MSL3: variants seen among roughly 807,000 people sequenced by gnomAD.
MSL3 encodes the protein MSL complex subunit 3.
In MSL3, 5 loss-of-function variants were observed where a neutral mutation model predicts 37.2. The observed-to-expected ratio is 0.13, with a 90% CI of 0.07 to 0.28. The LOEUF (loss-of-function observed/expected upper bound fraction) is 0.28. Among genes scored for constraint, MSL3 ranks in the 10% least tolerant of loss-of-function variants. MSL3 has a pLI of 1.00. For synonymous variants in MSL3, 149 were observed against 147.6 expected (o/e 1.01, Z -0.07); for missense variants, 315 against 408.5 (o/e 0.77, Z 1.97).
At chrX:11,758,554 T>C in intron 1 of MSL3, 189 bp downstream of exon 1, 1 of 1,102,081 alleles carries the variant, frequency 9.1e-7, no homozygotes, top group Non-Finnish European at 1.2e-6. Context: ...CTGGGATGCT[T>C]CCACTTCCTT....
At chrX:11,768,808 T>C (rs2053207931) in intron 10 of MSL3, 126 bp downstream of exon 10, 1 of 483,159 alleles carries the variant, frequency 2.1e-6, no homozygotes, top group African/African-American at 2.4e-5. Context: ...ATCAAAATTG[T>C]ACGTAATTTT....
chrX:11,763,976 A>T, intron 8 of MSL3, 38 bp downstream of exon 8: 1 of 1,123,283 alleles, frequency 8.9e-7, no homozygotes, highest in East Asian at 3.0e-5. Flanking sequence ...CTCACATGTC[A>T]GCAGTACAAT....
chrX:11,763,673 A>G, intron 7 of MSL3, 107 bp from the exon 8 acceptor site: 1 of 580,879 alleles, frequency 1.7e-6, no homozygotes, highest in South Asian at 3.2e-5. Context: ...TGTAGTATAT[A>G]ATGATTAGAT....
chrX:11,767,894 G>A, intron 9 of MSL3: 1 of 754,415 alleles, frequency 1.3e-6, no homozygotes. Flanking sequence ...GTTGATTGAA[G>A]ATTGAAAAGG....
In MSL3 at chrX:11,758,746, T is replaced by C. The variant is rs1267768677; in HGVS notation, c.102+381T>C. ...TGCGGCCTGGTGCCGGGTGGGCTCCTGTGGGACGCCCTGGCCGTCCGATCC... is the reference window on the plus strand; with the variant it reads ...TGCGGCCTGGTGCCGGGTGGGCTCCCGTGGGACGCCCTGGCCGTCCGATCC... On this transcript the variant is annotated intron_variant, in intron 1 of 12. Coordinates refer to ENST00000312196, the MANE Select transcript of MSL3 (RefSeq NM_078629.4). 2.6e-6 allele frequency: 3 copies of C among 1,165,379 alleles called. No homozygotes were observed. The Admixed American group carries it at 7.8e-5, about 30-fold the overall frequency.
In MSL3 at chrX:11,764,113, A is replaced by G. The variant is rs2053158524; in HGVS notation, c.908+175A>G. 9.7e-6 allele frequency: 4 copies of G among 413,442 alleles called. No individual in the cohort carries two copies. In the East Asian group the frequency reaches 1.7e-4, roughly 17 times the overall value. The allele number at this position is 413,442 out of a possible 1,213,427, so 34.1% of individuals were successfully genotyped here. A position where few individuals can be genotyped will look rare whatever the true frequency, so the allele number is the denominator to read the frequency against. On this transcript the variant is annotated intron_variant, in intron 8 of 12. Transcript: ENST00000312196. ...TCCTGGGTAAGCTAAGTCATCATTC[A>G]CTTTCATATGGCTCTGGCAGATTTT...
At chrX:11,772,299 ATTCTC>A (rs774155742) in intron 11 of MSL3, 44 bp downstream of exon 11, 1 of 1,050,815 alleles carries the variant, frequency 9.5e-7, no homozygotes. Context: ...TTCATTTTGT[ATTCTC>A]TTGTTAGCTT....
At chrX:11,770,023 C>T (rs780441337) in intron 10 of MSL3, among the ~76,000 whole-genome samples, 3 of 112,866 alleles carry the variant, frequency 2.7e-5, no homozygotes, top group Non-Finnish European at 3.7e-5. Flanking sequence ...TCTGCTGTTC[C>T]AGCAGGAAAG....
At chrX:11,764,073 G>T (rs1360186240) in intron 8 of MSL3, 135 bp downstream of exon 8, 5 of 563,324 alleles carry the variant, frequency 8.9e-6, no homozygotes, top group Non-Finnish European at 1.1e-5. Flanking sequence ...TGTGTGTCCT[G>T]GTGGTTTTCT....
At chrX:11,766,123 G>C (rs2053180583) in intron 9 of MSL3, 2 of 857,057 alleles carry the variant, frequency 2.3e-6, no homozygotes, top group African/African-American at 2.1e-5. Flanking sequence ...CCATTCTAAA[G>C]TTTAATTTGG....
intron 9 of MSL3, 170 bp downstream of exon 9, chrX:11,765,899 C>A: frequency 1.8e-6 from 2 of 1,105,385 alleles, no homozygotes; most frequent in Non-Finnish European, 2.4e-6. Flanking sequence ...AAAGTTGAAA[C>A]ACCTGGCGCA....
At chrX:11,772,576 A>G (rs1349683348) in intron 11 of MSL3, 45 bp from the exon 12 acceptor site, 1 of 933,254 alleles carries the variant, frequency 1.1e-6, no homozygotes, top group Admixed American at 2.3e-5. Flanking sequence ...ATGCATTGTC[A>G]GATTCTGCTA....
intron 9 of MSL3, 101 bp downstream of exon 9, chrX:11,765,830 A>G: frequency 8.8e-7 from 1 of 1,131,821 alleles, no homozygotes; most frequent in Non-Finnish European, 1.2e-6. Flanking sequence ...GTGTGTGTAC[A>G]GTGCGTGTGA....
Position 11,775,062 on chromosome X carries a change from C to T in MSL3, c.1549C>T (p.Pro517Ser). The T allele has an allele frequency of 2.5e-6, 3 of 1,202,818 alleles. No individual in the cohort carries two copies. Among genetic ancestry groups the T allele is most frequent in the Non-Finnish European group, 3.4e-6 (3 of 888,232 alleles). Residue 517 changes from proline to serine, a missense_variant, in exon 13 of 13, where the codon CCC (proline) becomes TCC (serine). Physicochemically the swap from Pro to Ser is moderately conservative, Grantham distance 74. Transcript: ENST00000312196. Reference sequence around the variant, plus strand: ...TGAGGCACATTACAGCACCAAGAACCCCCGGGCAATTTATTAAAATGTTGT... The same window carrying T: ...TGAGGCACATTACAGCACCAAGAACTCCCGGGCAATTTATTAAAATGTTGT... ...ACEAHYSTKN[P>S]RAIY
Position 11,762,267 on chromosome X carries a change from T to C in MSL3, c.588+15T>C, listed in dbSNP as rs1263877037. 8.8e-7 allele frequency: 1 copy of C among 1,133,100 alleles called. No individual in the cohort carries two copies. Among genetic ancestry groups the C allele is most frequent in the Non-Finnish European group, 1.2e-6 (1 of 858,252 alleles). The allele number at this position is 1,133,100 out of a possible 1,213,427, so 93.4% of individuals were successfully genotyped here. On this transcript the variant is annotated intron_variant, in intron 6 of 12. Coordinates refer to ENST00000312196, the MANE Select transcript of MSL3 (RefSeq NM_078629.4). ...GGAGGAAACGGGTATGTAGGGAGAA[T>C]GTATAAAACATTAATTTGTTTGGCA...
At chrX:11,773,557 A>T (rs1011497606) in intron 12 of MSL3, among the ~76,000 whole-genome samples, 2 of 111,885 alleles carry the variant, frequency 1.8e-5, no homozygotes, top group African/African-American at 6.5e-5. Context: ...ATTAGACTTC[A>T]CAACATTTTC....
intron 1 of MSL3, chrX:11,758,842 G>A: frequency 9.4e-7 from 1 of 1,062,333 alleles, no homozygotes; most frequent in South Asian, 2.1e-5. Flanking sequence ...CCCTAGTCCA[G>A]TTTAGGCCCC....
intron 1 of MSL3, among the ~76,000 whole-genome samples, chrX:11,759,381 A>T (rs191425457): frequency 0.084 from 9,266 of 109,917 alleles, 755 homozygotes; most frequent in African/African-American, 0.26. Flanking sequence ...CATTAGTTTT[A>T]GTTGTTCCCT....
intron 10 of MSL3, among the ~76,000 whole-genome samples, chrX:11,771,109 T>G (rs1227645284): frequency 8.9e-6 from 1 of 112,448 alleles, no homozygotes; most frequent in Non-Finnish European, 1.9e-5. Flanking sequence ...GCTTATTAGC[T>G]TCTGGCAGTT....
Sources: allele counts gnomAD v4.1 joint callset (sites outside exome capture counted in the v4.1 genomes callset), GRCh38; gene constraint gnomAD v4.1.1; transcripts MANE v1.5; gene names NCBI Gene and HGNC (gene_info 2026-07-23, HGNC 2026-07-21).